The following CALHM5 variants were observed in gnomAD, a reference collection of about 807,000 sequenced individuals.
CALHM5 encodes the protein calcium homeostasis modulator protein 5.
CALHM5 carries 17 observed loss-of-function variants against 20.9 expected under a neutral mutation model. The observed-to-expected ratio is 0.82, with a 90% CI of 0.56 to 1.22. The LOEUF (loss-of-function observed/expected upper bound fraction) is 1.22. Among genes scored for constraint, CALHM5 ranks in the 50% most tolerant of loss-of-function variants. CALHM5 has a pLI of 0.00. For synonymous variants in CALHM5, 148 were observed against 140.0 expected (o/e 1.06, Z -0.40); for missense variants, 360 against 364.6 (o/e 0.99, Z 0.10).
rs57050552 is a variant in CALHM5, at chr6:116,516,660, AATATATATATATAT to A, written c.*707_*720del. ...TCCTACATTCAAAATAGTAGTAACAAATATATATATATATATATATATATATATATATATATATA... is the reference window on the plus strand; with the variant it reads ...TCCTACATTCAAAATAGTAGTAACAAATATATATATATATATATATATATA... On this transcript the variant is annotated 3_prime_UTR_variant, in exon 2 of 2. Coordinates refer to ENST00000368599, the MANE Select transcript of CALHM5 (RefSeq NM_153711.5). The A allele has an allele frequency of 2.9e-3, 306 of 104,384 alleles. 3 individuals carry two copies. Among genetic ancestry groups the A allele is most frequent in the African/African-American group, 8.0e-3 (191 of 23,742 alleles). The allele number at this position is 104,384 out of a possible 1,614,324, so 6.5% of individuals were successfully genotyped here.
At position 116,519,061 on chromosome 6, in the gene CALHM5, C is replaced by G. The variant is rs1214495355; in HGVS notation, c.*3072C>G. On this transcript the variant is annotated 3_prime_UTR_variant, in exon 2 of 2. Transcript: ENST00000368599. Reference sequence around the variant, plus strand: ...TAGGGAGAGCAAATTGGTGTCTGCTCTTGAGTATCTTGAGGGAATGGGTAT... The same window carrying G: ...TAGGGAGAGCAAATTGGTGTCTGCTGTTGAGTATCTTGAGGGAATGGGTAT... The G allele has an allele frequency of 6.6e-6, 1 of 152,184 alleles. No individual in the cohort carries two copies. The highest frequency in any genetic ancestry group is 1.9e-4 in the East Asian group (1 of 5,188). The allele number at this position is 152,184 out of a possible 1,614,324, so 9.4% of individuals were successfully genotyped here. A position where few individuals can be genotyped will look rare whatever the true frequency, so the allele number is the denominator to read the frequency against.
rs1168360161 is a variant in CALHM5, at chr6:116,517,761, T to A, written c.*1772T>A. ...TTCTGAATGGCCTCAGAATAGGGTC[T>A]GGTTGCCACGGGAACCAACCATGTG... On this transcript the variant is annotated 3_prime_UTR_variant, in exon 2 of 2. Coordinates refer to ENST00000368599, the MANE Select transcript of CALHM5 (RefSeq NM_153711.5). The A allele has an allele frequency of 6.6e-6, 1 of 152,180 alleles. No homozygotes were observed. Among genetic ancestry groups the A allele is most frequent in the East Asian group, 1.9e-4 (1 of 5,198 alleles). 9.4% of individuals were successfully genotyped at this position (152,180 alleles called of 1,614,324 possible).
Position 116,516,207 on chromosome 6 carries a change from G to T in CALHM5, c.*218G>T, listed in dbSNP as rs1478014705. 4.1e-6 allele frequency: 2 copies of T among 484,982 alleles called. No homozygotes were observed. Among genetic ancestry groups the T allele is most frequent in the East Asian group, 3.4e-5 (1 of 29,536 alleles). 30.0% of individuals were successfully genotyped at this position (484,982 alleles called of 1,614,324 possible). ...GTGACAAAGGTGCTCTTGCATTGGTGGAGAGGGGCTCAGTAGGCCTAAATG... is the reference window on the plus strand; with the variant it reads ...GTGACAAAGGTGCTCTTGCATTGGTTGAGAGGGGCTCAGTAGGCCTAAATG... On this transcript the variant is annotated 3_prime_UTR_variant, in exon 2 of 2. Coordinates refer to ENST00000368599, the MANE Select transcript of CALHM5 (RefSeq NM_153711.5).
In CALHM5 at chr6:116,517,283, A is replaced by G. The variant is rs1237232629; in HGVS notation, c.*1294A>G. ...TGACCTTGGCTAAAGGTCTGGGGACACTGTCCAAAGCAGTACTGGCATAAA... is the reference window on the plus strand; with the variant it reads ...TGACCTTGGCTAAAGGTCTGGGGACGCTGTCCAAAGCAGTACTGGCATAAA... On this transcript the variant is annotated 3_prime_UTR_variant, in exon 2 of 2. Transcript: ENST00000368599. The G allele has an allele frequency of 6.6e-6, 1 of 152,182 alleles. No individual in the cohort carries two copies. The highest frequency in any genetic ancestry group is 1.9e-4 in the East Asian group (1 of 5,202). 9.4% of individuals were successfully genotyped at this position (152,182 alleles called of 1,614,324 possible).
rs1319552107 is a variant in CALHM5 at position 116,511,785 on chromosome 6, G to C, written c.89G>C (p.Ser30Thr). ...YSFMALLTVGSERLFSVVAFK... is the reference protein window; with the variant it reads ...YSFMALLTVGTERLFSVVAFK... ...TTCATGGCTCTGCTGACCGTGGGAA[G>C]TGAGCGTCTCTTTTCTGTTGTGGCT... Residue 30 changes from serine to threonine, a missense_variant, in exon 1 of 2, where the codon AGT (serine) becomes ACT (threonine). Physicochemically the swap from Ser to Thr is moderately conservative, Grantham distance 58. Transcript: ENST00000368599. 1.2e-6 allele frequency: 2 copies of C among 1,614,100 alleles called. No homozygotes were observed. Among genetic ancestry groups the C allele is most frequent in the Non-Finnish European group, 1.7e-6 (2 of 1,179,990 alleles).
Position 116,522,639 on chromosome 6 carries a change from A to G in CALHM5, c.*6650A>G, listed in dbSNP as rs1396784154. ...TGGTTAATTTTTGTTTGAAAGGAATACAAACATATTATTGGGAGGAGTAAC... is the reference window on the plus strand; with the variant it reads ...TGGTTAATTTTTGTTTGAAAGGAATGCAAACATATTATTGGGAGGAGTAAC... On this transcript the variant is annotated 3_prime_UTR_variant, in exon 2 of 2. Transcript: ENST00000368599. 2.6e-5 allele frequency: 4 copies of G among 152,214 alleles called. No homozygotes were observed. The highest frequency in any genetic ancestry group is 4.8e-5 in the African/African-American group (2 of 41,454). 9.4% of individuals were successfully genotyped at this position (152,214 alleles called of 1,614,324 possible). A position where few individuals can be genotyped will look rare whatever the true frequency, so the allele number is the denominator to read the frequency against.
At position 116,512,348 on chromosome 6, in the gene CALHM5, G is replaced by A. The variant is rs537450098; in HGVS notation, c.540+112G>A. 3.9e-5 allele frequency: 48 copies of A among 1,221,500 alleles called. 1 individual carries two copies. The South Asian group carries it at 7.4e-4, about 19-fold the overall frequency. The allele number at this position is 1,221,500 out of a possible 1,614,324, so 75.7% of individuals were successfully genotyped here. A position where few individuals can be genotyped will look rare whatever the true frequency, so the allele number is the denominator to read the frequency against. ...CTGTCAGAATATTTTGAAACTAAAT[G>A]GAAACTGAAACATGATGCAGCATTG... On this transcript the variant is annotated intron_variant, in intron 1 of 1. Transcript: ENST00000368599.
chr6:116,516,601 T>C lies in CALHM5; in HGVS notation c.*612T>C, dbSNP rs1189047023. The C allele has an allele frequency of 6.7e-6, 1 of 150,334 alleles. No individual in the cohort carries two copies. Among genetic ancestry groups the C allele is most frequent in the African/African-American group, 2.5e-5 (1 of 40,696 alleles). 9.3% of individuals were successfully genotyped at this position (150,334 alleles called of 1,614,324 possible). A position where few individuals can be genotyped will look rare whatever the true frequency, so the allele number is the denominator to read the frequency against. ...AAGCAGGGCTGCATCATAATTTTTG[T>C]GGGCTTTATGTACTTTTGCCTTTGC... On this transcript the variant is annotated 3_prime_UTR_variant, in exon 2 of 2. Transcript: ENST00000368599.
rs1202615536 is a variant in CALHM5 at position 116,516,235 on chromosome 6, G to T, written c.*246G>T. ...GAGGGGCTCAGTAGGCCTAAATGTT[G>T]CTCCAAGATCTAAGATTTTATCATT... On this transcript the variant is annotated 3_prime_UTR_variant, in exon 2 of 2. Transcript: ENST00000368599. The T allele has an allele frequency of 2.7e-6, 1 of 376,444 alleles. No homozygotes were observed. Among genetic ancestry groups the T allele is most frequent in the Non-Finnish European group, 4.7e-6 (1 of 212,534 alleles). The allele number at this position is 376,444 out of a possible 1,614,324, so 23.3% of individuals were successfully genotyped here.
rs906756821 is a variant in CALHM5, at chr6:116,517,273, G to T, written c.*1284G>T. On this transcript the variant is annotated 3_prime_UTR_variant, in exon 2 of 2. Coordinates refer to ENST00000368599, the MANE Select transcript of CALHM5 (RefSeq NM_153711.5). ...TAGGGTAAATTGACCTTGGCTAAAG[G>T]TCTGGGGACACTGTCCAAAGCAGTA... The T allele has an allele frequency of 2.0e-5, 3 of 152,086 alleles. No individual in the cohort carries two copies. The highest frequency in any genetic ancestry group is 4.4e-5 in the Non-Finnish European group (3 of 68,034). The allele number at this position is 152,086 out of a possible 1,614,324, so 9.4% of individuals were successfully genotyped here.
chr6:116,512,196 T>C lies in CALHM5; in HGVS notation c.500T>C (p.Val167Ala). 6.2e-7 allele frequency: 1 copy of C among 1,607,308 alleles called. No homozygotes were observed. The highest frequency in any genetic ancestry group is 1.7e-5 in the Admixed American group (1 of 59,938). ...GGCAAAACTAGCATGCTACCTACCG[T>C]CAATGAAGAACTGAAACTCTCCCTT... ...SCGKTSMLPT[V>A]NEELKLSLQA... The change falls in exon 1 of 2, where the codon GTC becomes GCC. Residue 167 changes from valine (V) to alanine (A), a missense_variant. Val to Ala is a moderately conservative substitution (Grantham distance 64). Coordinates refer to ENST00000368599, the MANE Select transcript of CALHM5 (RefSeq NM_153711.5).
Position 116,524,170 on chromosome 6 carries a change from G to GA in CALHM5, c.*8187dup, listed in dbSNP as rs1772400907. Reference sequence around the variant, plus strand: ...CTAGAAGTTTCTTTAAAATACTCTAGAAAAAAGAGTTTAGGGAGAAAGCTG... The same window carrying GA: ...CTAGAAGTTTCTTTAAAATACTCTAGAAAAAAAGAGTTTAGGGAGAAAGCTG... On this transcript the variant is annotated 3_prime_UTR_variant, in exon 2 of 2. Coordinates refer to ENST00000368599, the MANE Select transcript of CALHM5 (RefSeq NM_153711.5). 2.4e-5 allele frequency: 2 copies of GA among 83,152 alleles called. No homozygotes were observed. Among genetic ancestry groups the GA allele is most frequent in the Non-Finnish European group, 5.0e-5 (2 of 39,834 alleles). 5.2% of individuals were successfully genotyped at this position (83,152 alleles called of 1,614,324 possible). A position where few individuals can be genotyped will look rare whatever the true frequency, so the allele number is the denominator to read the frequency against.
chr6:116,518,048 A>C lies in CALHM5; in HGVS notation c.*2059A>C, dbSNP rs1004110383. 2.0e-5 allele frequency: 3 copies of C among 152,218 alleles called. No homozygotes were observed. Among genetic ancestry groups the C allele is most frequent in the African/African-American group, 7.2e-5 (3 of 41,436 alleles). 9.4% of individuals were successfully genotyped at this position (152,218 alleles called of 1,614,324 possible). On this transcript the variant is annotated 3_prime_UTR_variant, in exon 2 of 2. Transcript: ENST00000368599. ...GCCTCCATCTGGCTGTTTCTGAGTT[A>C]TATTATTTTATAATAGACTGATGAT...
rs1018715751 is a variant in CALHM5 at position 116,520,471 on chromosome 6, A to G, written c.*4482A>G. On this transcript the variant is annotated 3_prime_UTR_variant, in exon 2 of 2. Transcript: ENST00000368599. ...TCTGATTTTAGATCCCAAAATCATT[A>G]AGAAAAAGCTAAGAGGTTGGCATGA... The G allele has an allele frequency of 1.3e-5, 2 of 152,140 alleles. No homozygotes were observed. The highest frequency in any genetic ancestry group is 4.8e-5 in the African/African-American group (2 of 41,426). The allele number at this position is 152,140 out of a possible 1,614,324, so 9.4% of individuals were successfully genotyped here. A position where few individuals can be genotyped will look rare whatever the true frequency, so the allele number is the denominator to read the frequency against.
At position 116,515,761 on chromosome 6, in the gene CALHM5, C is replaced by T. The variant is rs1270650628; in HGVS notation, c.702C>T (p.Ala234=). ...TGGAAAATACATTTCTGGACTATGC[C>T]AACAAGCTGAGCGAGAGGAACCTGA... The part of the protein sequence containing the change: ...EQLENTFLDY[A]NKLSERNLKC... Residue 234 remains alanine (A), a synonymous_variant, in exon 2 of 2, where the codon GCC becomes GCT. Transcript: ENST00000368599. 3.7e-6 allele frequency: 6 copies of T among 1,613,978 alleles called. No individual in the cohort carries two copies. The highest frequency in any genetic ancestry group is 5.1e-6 in the Non-Finnish European group (6 of 1,179,926).
Position 116,516,065 on chromosome 6 carries a change from CTG to C in CALHM5, c.*82_*83del. ...ATCCTCCTAACGTATCACCAGCAAC[CTG>C]TGTGTCTCTGTATTTTCTTACATTT... On this transcript the variant is annotated 3_prime_UTR_variant, in exon 2 of 2. Coordinates refer to ENST00000368599, the MANE Select transcript of CALHM5 (RefSeq NM_153711.5). 4 of 1,471,202 alleles carry C rather than the reference CTG, an allele frequency of 2.7e-6. No individual in the cohort carries two copies. Among genetic ancestry groups the C allele is most frequent in the Non-Finnish European group, 3.6e-6 (4 of 1,105,626 alleles). 91.1% of individuals were successfully genotyped at this position (1,471,202 alleles called of 1,614,324 possible).
rs942155079 is a variant in CALHM5, at chr6:116,517,454, A to G, written c.*1465A>G. The G allele has an allele frequency of 1.3e-5, 2 of 152,170 alleles. No individual in the cohort carries two copies. Among genetic ancestry groups the G allele is most frequent in the African/African-American group, 4.8e-5 (2 of 41,438 alleles). 9.4% of individuals were successfully genotyped at this position (152,170 alleles called of 1,614,324 possible). ...AATCTCTGAGAAGAATTGTGCTTTA[A>G]AAAAGAACTATGTTTTGTGCTGTGG... On this transcript the variant is annotated 3_prime_UTR_variant, in exon 2 of 2. Coordinates refer to ENST00000368599, the MANE Select transcript of CALHM5 (RefSeq NM_153711.5).
Position 116,516,011 on chromosome 6 carries a change from A to G in CALHM5, c.*22A>G, listed in dbSNP as rs1212640555. The G allele has an allele frequency of 6.4e-7, 1 of 1,564,360 alleles. No homozygotes were observed. The highest frequency in any genetic ancestry group is 1.2e-5 in the South Asian group (1 of 83,732). On this transcript the variant is annotated 3_prime_UTR_variant, in exon 2 of 2. Transcript: ENST00000368599. ...GTAGCTCATCCACCATCAATGACTC[A>G]TGGTGTTGAGTGGCATGCTCATTCT...
chr6:116,517,574 A>G lies in CALHM5; in HGVS notation c.*1585A>G, dbSNP rs1347833291. 1 of 152,160 alleles carries G rather than the reference A, an allele frequency of 6.6e-6. No individual in the cohort carries two copies. The highest frequency in any genetic ancestry group is 1.5e-5 in the Non-Finnish European group (1 of 68,020). 9.4% of individuals were successfully genotyped at this position (152,160 alleles called of 1,614,324 possible). On this transcript the variant is annotated 3_prime_UTR_variant, in exon 2 of 2. Coordinates refer to ENST00000368599, the MANE Select transcript of CALHM5 (RefSeq NM_153711.5). ...GAAACATGATGGCAAACTGAATCCT[A>G]CAAGTATAGGACCCAGAACATATCT...
Sources: gnomAD v4.1 joint callset for allele counts on GRCh38, gnomAD v4.1.1 for gene constraint, MANE v1.5 for transcripts, NCBI Gene and HGNC (gene_info 2026-07-23, HGNC 2026-07-21) for gene names.